Variants in CAST observed in about 807,000 individuals in gnomAD.
CAST encodes the protein calpastatin, also known as MIR583 host.
In CAST, 76 loss-of-function variants were observed where a neutral mutation model predicts 119.6. That is an observed-to-expected ratio of 0.64 (90% confidence interval 0.53 to 0.77). The LOEUF is 0.77. Ranked by LOEUF, CAST falls within the 30% of genes least tolerant of loss-of-function variation. CAST has a pLI of 0.00. For synonymous variants in CAST, 319 were observed against 331.6 expected, an observed-to-expected ratio of 0.96 and a Z score of 0.41; for missense variants, 953 against 946.5, an observed-to-expected ratio of 1.01 and a Z score of -0.09.
the CAST span, among the ~76,000 whole-genome samples, chr5:95,965,937 T>TATC: frequency 1.3e-5 from 2 of 152,168 alleles, no homozygotes; most frequent in African/African-American, 2.4e-5. Context: ...TTATTATTAT[T>TATC]ATCATCATCA....
chr5:96,435,778 T>C, the CAST span, among the ~76,000 whole-genome samples: 1 of 152,210 alleles, frequency 6.6e-6, no homozygotes, highest in South Asian at 2.1e-4. Flanking sequence ...AGCTAAGCAT[T>C]CATTAAGGTT....
intron 1 of CAST, among the ~76,000 whole-genome samples, chr5:96,576,507 G>C (rs1746673502): frequency 6.6e-6 from 1 of 151,840 alleles, no homozygotes; most frequent in Non-Finnish European, 1.5e-5. Context: ...ACCATGCCCG[G>C]CTAATTTTTA....
the CAST span, among the ~76,000 whole-genome samples, chr5:96,451,716 A>T: frequency 6.6e-6 from 1 of 152,150 alleles, no homozygotes; most frequent in East Asian, 1.9e-4. Flanking sequence ...AACCTACAGA[A>T]TGGGAGAAAA....
the CAST span, among the ~76,000 whole-genome samples, chr5:96,350,680 C>T: frequency 6.6e-6 from 1 of 152,018 alleles, no homozygotes; most frequent in African/African-American, 2.4e-5. Context: ...TTTGGGGTCC[C>T]GAGATTTATT....
chr5:96,467,020 G>C, the CAST span, among the ~76,000 whole-genome samples: 2 of 152,118 alleles, frequency 1.3e-5, no homozygotes, highest in Non-Finnish European at 2.9e-5. Flanking sequence ...ATTTTAACAA[G>C]TGTTGATCAG....
At chr5:96,043,089 G>A in the CAST span, among the ~76,000 whole-genome samples, 1 of 152,036 alleles carries the variant, frequency 6.6e-6, no homozygotes, top group Non-Finnish European at 1.5e-5. Flanking sequence ...TAGAAGATAT[G>A]ACTAATAGTA....
At chr5:96,507,252 A>G in the CAST span, among the ~76,000 whole-genome samples, 4,409 of 152,198 alleles carry the variant, frequency 0.029, 211 homozygotes, top group African/African-American at 0.099. Flanking sequence ...CACGTAAACT[A>G]AATATTCACT....
chr5:96,633,686 G>A (rs1747849928), intron 1 of CAST, among the ~76,000 whole-genome samples: 1 of 152,116 alleles, frequency 6.6e-6, no homozygotes, highest in Non-Finnish European at 1.5e-5. Context: ...CTTGCTTGTG[G>A]GCAAAGACCA....
At chr5:96,384,919 CTG>C in the CAST span, among the ~76,000 whole-genome samples, 141 of 152,324 alleles carry the variant, frequency 9.3e-4, no homozygotes, top group African/African-American at 3.3e-3. Context: ...TTGTCCACAA[CTG>C]TGCAAGACTT....
chr5:95,970,403 C>T, the CAST span: 13 of 152,152 alleles, frequency 8.5e-5, no homozygotes, highest in African/African-American at 3.1e-4. Context: ...AGGGTACTGC[C>T]AGTGTAAATA....
chr5:96,389,707 A>C, the CAST span, among the ~76,000 whole-genome samples: 4 of 152,252 alleles, frequency 2.6e-5, no homozygotes, highest in African/African-American at 9.6e-5. Context: ...AGGCTGGGGC[A>C]GGTGGATCAC....
the CAST span, among the ~76,000 whole-genome samples, chr5:96,250,507 C>T: frequency 6.6e-6 from 1 of 152,080 alleles, no homozygotes; most frequent in Non-Finnish European, 1.5e-5. Flanking sequence ...CTGAGTCTGC[C>T]TCCCTGTTAG....
At chr5:96,221,487 C>A in the CAST span, among the ~76,000 whole-genome samples, 1 of 151,888 alleles carries the variant, frequency 6.6e-6, no homozygotes, top group East Asian at 1.9e-4. Flanking sequence ...AAAAAGAAAT[C>A]AACAAGGCAA....
At chr5:96,577,426 G>A (rs1746691983) in intron 1 of CAST, among the ~76,000 whole-genome samples, 1 of 150,714 alleles carries the variant, frequency 6.6e-6, no homozygotes, top group African/African-American at 2.4e-5. Flanking sequence ...TGCTTGTCTG[G>A]GGCTTATTTT....
At chr5:96,721,813 G>A (rs750293942) in intron 3 of CAST, among the ~76,000 whole-genome samples, 8 of 152,124 alleles carry the variant, frequency 5.3e-5, no homozygotes, top group Non-Finnish European at 7.4e-5. Context: ...ACACATCCCA[G>A]TACTTAGATG....
upstream of CAST, among the ~76,000 whole-genome samples, chr5:96,522,742 C>T (rs2578695): frequency 1.3e-5 from 2 of 152,166 alleles, no homozygotes; most frequent in African/African-American, 2.4e-5. Flanking sequence ...GCAATCAGCC[C>T]TGCACTGCCT....
At chr5:96,583,798 T>C (rs1746806089) in intron 1 of CAST, among the ~76,000 whole-genome samples, 1 of 152,188 alleles carries the variant, frequency 6.6e-6, no homozygotes, top group South Asian at 2.1e-4. Context: ...ACATTTGTAT[T>C]GTTACTTGAT....
In CAST at chr5:96,729,483, A is replaced by G. The variant is rs865826313; in HGVS notation, c.436-129A>G. The G allele has an allele frequency of 7.9e-6, 5 of 630,024 alleles. No individual in the cohort carries two copies. In the Middle Eastern group the frequency reaches 1.5e-3, roughly 187 times the overall value. The allele number at this position is 630,024 out of a possible 1,614,324, so 39.0% of individuals were successfully genotyped here. A position where few individuals can be genotyped will look rare whatever the true frequency, so the allele number is the denominator to read the frequency against. ...CTAATTGAAATTTACATAATTTAGA[A>G]CCACAGACAGCACAACTGTTATGAA... On this transcript the variant is annotated intron_variant, in intron 7 of 31. Transcript: ENST00000675179.
chr5:96,109,085 G>A, the CAST span, among the ~76,000 whole-genome samples: 1 of 152,186 alleles, frequency 6.6e-6, no homozygotes, highest in East Asian at 1.9e-4. Context: ...GCTTCGGCTT[G>A]CGCACGGTGC....
Sources: allele counts gnomAD v4.1 joint callset (sites outside exome capture counted in the v4.1 genomes callset), GRCh38; gene constraint gnomAD v4.1.1; transcripts MANE v1.5; gene names NCBI Gene and HGNC (gene_info 2026-07-23, HGNC 2026-07-21).